The following RPTOR variants were observed in gnomAD, a reference collection of about 807,000 sequenced individuals.
RPTOR encodes the protein regulatory-associated protein of mTOR.
A neutral mutation model predicts 169.9 loss-of-function variants in RPTOR; 21 were observed. The ratio of observed to expected loss-of-function variants is 0.12; its 90% CI spans 0.09 to 0.18. The LOEUF (loss-of-function observed/expected upper bound fraction) is 0.18. RPTOR is among the 10% of genes least tolerant of loss of function. The pLI is 1.00. For missense variants in RPTOR, 1,133 were observed against 1,855.9 expected (o/e 0.61, Z 7.16); for synonymous variants, 732 against 753.2 (o/e 0.97, Z 0.46).
At chr17:80,587,709 A>G (rs191462252) in intron 1 of RPTOR, among the ~76,000 whole-genome samples, 4 of 151,904 alleles carry the variant, frequency 2.6e-5, no homozygotes, top group Non-Finnish European at 5.9e-5. Context: ...TGATGTTTTG[A>G]TAGATATATA....
At chr17:80,789,577 G>A (rs1029492828) in intron 6 of RPTOR, among the ~76,000 whole-genome samples, 1 of 152,164 alleles carries the variant, frequency 6.6e-6, no homozygotes, top group African/African-American at 2.4e-5. Flanking sequence ...CTCGGGGAAG[G>A]TTTACATGAG....
At chr17:80,882,786 CAA>C (rs1165382211) in intron 14 of RPTOR, among the ~76,000 whole-genome samples, 1 of 152,196 alleles carries the variant, frequency 6.6e-6, no homozygotes, top group Non-Finnish European at 1.5e-5. Flanking sequence ...GAGGGTTAAA[CAA>C]GAGGAGGACT....
chr17:80,680,343 TACTC>T (rs958007189), intron 3 of RPTOR, among the ~76,000 whole-genome samples: 1 of 152,260 alleles, frequency 6.6e-6, no homozygotes, highest in African/African-American at 2.4e-5. Flanking sequence ...TTTGTTAAAA[TACTC>T]AGAATCAGCA....
intron 1 of RPTOR, among the ~76,000 whole-genome samples, chr17:80,585,120 A>G (rs905877586): frequency 6.6e-6 from 1 of 151,670 alleles, no homozygotes; most frequent in Non-Finnish European, 1.5e-5. Context: ...ATTATGTAAG[A>G]ATGTGGTTAG....
intron 9 of RPTOR, among the ~76,000 whole-genome samples, chr17:80,836,129 G>A (rs1034231676): frequency 2.0e-5 from 3 of 152,162 alleles, no homozygotes; most frequent in African/African-American, 7.2e-5. Context: ...TCCCACACGG[G>A]CTCCCTGGTC....
chr17:80,925,274 C>A, intron 23 of RPTOR, 96 bp from the exon 24 acceptor site: 1 of 1,021,276 alleles, frequency 9.8e-7, no homozygotes, highest in Non-Finnish European at 1.5e-6. Flanking sequence ...CTCCCGGCAG[C>A]GCCTTTGTCC....
At chr17:80,615,599 A>G (rs2065303593) in intron 1 of RPTOR, among the ~76,000 whole-genome samples, 1 of 152,072 alleles carries the variant, frequency 6.6e-6, no homozygotes, top group Non-Finnish European at 1.5e-5. Flanking sequence ...TGATTCACCC[A>G]TGCCTTTCAT....
At chr17:80,579,576 C>T (rs2064997220) in intron 1 of RPTOR, among the ~76,000 whole-genome samples, 1 of 152,220 alleles carries the variant, frequency 6.6e-6, no homozygotes, top group South Asian at 2.1e-4. Context: ...GTCACGATGG[C>T]TGGAGGCAAG....
chr17:80,923,815 T>C, intron 23 of RPTOR, 142 bp downstream of exon 23: 1 of 929,680 alleles, frequency 1.1e-6, no homozygotes, highest in Non-Finnish European at 1.6e-6. Context: ...TGTGGGCCAC[T>C]CTCTGCCTTT....
At position 80,965,912 on chromosome 17, in the gene RPTOR, C is replaced by A. The variant is rs2069422372; in HGVS notation, c.*1582C>A. The A allele has an allele frequency of 4.3e-6, 1 of 233,262 alleles. No individual in the cohort carries two copies. The highest frequency in any genetic ancestry group is 8.5e-6 in the Non-Finnish European group (1 of 118,098). 14.4% of individuals were successfully genotyped at this position (233,262 alleles called of 1,614,324 possible). On this transcript the variant is annotated 3_prime_UTR_variant, in exon 34 of 34. Coordinates refer to ENST00000306801, the MANE Select transcript of RPTOR (RefSeq NM_020761.3). ...TCTGGGCCGAGAAAGCAGCCCGGGT[C>A]CGGAAGGTGTAGAGAGTCCCGGCCT...
In RPTOR at chr17:80,730,765, G is replaced by GAGCGCTCTGGTGCTTGGAGAGC; in HGVS notation, c.654+59_654+60insAGCGCTCTGGTGCTTGGAGAGC. 2 of 1,416,082 alleles carry GAGCGCTCTGGTGCTTGGAGAGC rather than the reference G, an allele frequency of 1.4e-6. No individual in the cohort carries two copies. The highest frequency in any genetic ancestry group is 2.0e-6 in the Non-Finnish European group (2 of 1,017,482). 87.7% of individuals were successfully genotyped at this position (1,416,082 alleles called of 1,614,324 possible). A position where few individuals can be genotyped will look rare whatever the true frequency, so the allele number is the denominator to read the frequency against. ...GTTTGGTTTTGTTTTCCCTGGGGGTGGGGTTTGGGTGGGGAGGTTGGGAGG... is the reference window on the plus strand; with the variant it reads ...GTTTGGTTTTGTTTTCCCTGGGGGTGAGCGCTCTGGTGCTTGGAGAGCGGGTTTGGGTGGGGAGGTTGGGAGG... On this transcript the variant is annotated intron_variant, in intron 5 of 33. Coordinates refer to ENST00000306801, the MANE Select transcript of RPTOR (RefSeq NM_020761.3). The surrounding 1 kb of genome is among the most constrained non-coding windows in gnomAD (Gnocchi z 4.2).
Position 80,755,852 on chromosome 17 carries a change from C to G in RPTOR, c.830+1667C>G, listed in dbSNP as rs2066675911. ...TGTCCAGCCAGTACCCCCACCTTACCTGGCTGATGCAGACTTAGCCTGAAA... is the reference window on the plus strand; with the variant it reads ...TGTCCAGCCAGTACCCCCACCTTACGTGGCTGATGCAGACTTAGCCTGAAA... On this transcript the variant is annotated intron_variant, in intron 6 of 33. Coordinates refer to ENST00000306801, the MANE Select transcript of RPTOR (RefSeq NM_020761.3). Among the ~76,000 whole-genome samples, 3 of 152,122 alleles carry G rather than the reference C, an allele frequency of 2.0e-5. No homozygotes were observed. The South Asian group carries it at 6.2e-4, about 32-fold the overall frequency.
At chr17:80,908,781 A>T in intron 20 of RPTOR, 30 bp from the exon 21 acceptor site, 1 of 1,547,618 alleles carries the variant, frequency 6.5e-7, no homozygotes, top group Non-Finnish European at 8.9e-7. Flanking sequence ...GCTACTTTCC[A>T]CTAAAACATC....
At chr17:80,948,882 C>T (rs1009841723) in intron 27 of RPTOR, among the ~76,000 whole-genome samples, 2 of 152,268 alleles carry the variant, frequency 1.3e-5, no homozygotes, top group East Asian at 1.9e-4. Flanking sequence ...AAGAGCAGGG[C>T]AGTGCGTCCC....
In RPTOR at chr17:80,756,711, A is replaced by G. The variant is rs528687393; in HGVS notation, c.830+2526A>G. The stretch of plus-strand genomic sequence containing the variant: ...AGGTAGAAAAAACAGTCTTGAAAAG[A>G]TAAATGTTTGAGGTGATGTATGAGT... On this transcript the variant is annotated intron_variant, in intron 6 of 33. Transcript: ENST00000306801. Among the ~76,000 whole-genome samples, 24 of 152,360 alleles carry G rather than the reference A, an allele frequency of 1.6e-4. No homozygotes were observed. The South Asian group carries it at 5.0e-3, about 32-fold the overall frequency.
intron 2 of RPTOR, among the ~76,000 whole-genome samples, chr17:80,634,706 GTGTGTGTGCGTAC>G (rs1567831446): frequency 8.9e-5 from 8 of 89,794 alleles, no homozygotes; most frequent in African/African-American, 4.2e-4. Flanking sequence ...TGTGCGTACT[GTGTGTGTGCGTAC>G]TGTGTGTGTG....
chr17:80,615,909 C>T (rs2065306041), intron 1 of RPTOR, among the ~76,000 whole-genome samples: 1 of 152,130 alleles, frequency 6.6e-6, no homozygotes, highest in South Asian at 2.1e-4. Context: ...AATCCACCTC[C>T]CGCGTCTATT....
chr17:80,620,516 G>A (rs1326005834), intron 1 of RPTOR, among the ~76,000 whole-genome samples: 1 of 152,232 alleles, frequency 6.6e-6, no homozygotes. Context: ...TATAATCCCA[G>A]CACTTTGGGA....
At chr17:80,599,594 G>A (rs537418233) in intron 1 of RPTOR, among the ~76,000 whole-genome samples, 2 of 152,276 alleles carry the variant, frequency 1.3e-5, no homozygotes, top group East Asian at 1.9e-4. Flanking sequence ...AGGTAATAGG[G>A]TCTAGTATTT....
Sources: allele counts gnomAD v4.1 joint callset (sites outside exome capture counted in the v4.1 genomes callset), GRCh38; gene constraint gnomAD v4.1.1; non-coding constraint Gnocchi (gnomAD v3.1); transcripts MANE v1.5; gene names NCBI Gene and HGNC (gene_info 2026-07-23, HGNC 2026-07-21).